Variants in NCALD observed in about 807,000 individuals in gnomAD.
The protein encoded by NCALD is neurocalcin-delta.
Under a neutral mutation model 18.6 loss-of-function variants are expected in NCALD, and 10 were observed. The ratio of observed to expected loss-of-function variants is 0.54; its 90% confidence interval spans 0.33 to 0.91. The LOEUF (loss-of-function observed/expected upper bound fraction) is 0.91. Among genes scored for constraint, NCALD ranks in the 40% least tolerant of loss-of-function variants. The pLI, the probability that NCALD is intolerant of heterozygous loss-of-function variation, is 0.03. For missense variants in NCALD, 184 were observed against 247.6 expected, an observed-to-expected ratio of 0.74 and a Z score of 1.72; for synonymous variants, 88 against 87.4, an observed-to-expected ratio of 1.01 and a Z score of -0.04.
chr8:101,794,252 C>A (rs1449920293), upstream of NCALD, among the ~76,000 whole-genome samples: 4 of 152,170 alleles, frequency 2.6e-5, no homozygotes, highest in African/African-American at 9.7e-5. Flanking sequence ...AAATCTTATT[C>A]ATCTGTACAA....
At chr8:101,914,454 C>T (rs1817909151) in intron 3 of NCALD, among the ~76,000 whole-genome samples, 1 of 152,128 alleles carries the variant, frequency 6.6e-6, no homozygotes, top group Non-Finnish European at 1.5e-5. Flanking sequence ...TGTGAAGTTA[C>T]TTTTTCCCCT....
intron 3 of NCALD, among the ~76,000 whole-genome samples, chr8:101,892,274 G>A (rs1207462036): frequency 2.0e-5 from 3 of 146,346 alleles, no homozygotes; most frequent in East Asian, 2.0e-4. Context: ...ACACGGCAGG[G>A]TATTCCAACA....
At chr8:102,100,969 T>C (rs1473841121) in intron 1 of NCALD, among the ~76,000 whole-genome samples, 2 of 152,198 alleles carry the variant, frequency 1.3e-5, no homozygotes, top group African/African-American at 4.8e-5. Context: ...GTTCTGGAGA[T>C]GGATGGTGGT....
chr8:101,965,080 G>T (rs1219902945), intron 2 of NCALD, among the ~76,000 whole-genome samples: 1 of 152,176 alleles, frequency 6.6e-6, no homozygotes, highest in African/African-American at 2.4e-5. Context: ...TATCACACCA[G>T]TTAGAATAGC....
chr8:101,892,205 CCT>C (rs927769736), intron 3 of NCALD, among the ~76,000 whole-genome samples: 5 of 149,564 alleles, frequency 3.3e-5, no homozygotes, highest in African/African-American at 1.3e-4. Context: ...GTCCCTGACC[CCT>C]GACCCCCGAG....
intron 1 of NCALD, among the ~76,000 whole-genome samples, chr8:102,023,237 G>C (rs1251639983): frequency 1.3e-5 from 2 of 152,168 alleles, no homozygotes. Context: ...AAAGCACAGA[G>C]GGTTTTGCTG....
chr8:102,069,038 G>A (rs62523038), intron 1 of NCALD, among the ~76,000 whole-genome samples: 25,937 of 152,128 alleles, frequency 0.17, 2,579 homozygotes, highest in African/African-American at 0.27. Flanking sequence ...GAGGGGAGTG[G>A]AGGATGGGAG....
At position 102,032,305 on chromosome 8, in the gene NCALD, T is replaced by TAG. The variant is rs531911289; in HGVS notation, c.-209-12017_-209-12016insCT. Among the ~76,000 whole-genome samples, 481 of 152,170 alleles carry TAG rather than the reference T, an allele frequency of 3.2e-3. 4 individuals are homozygous for TAG. The highest frequency in any genetic ancestry group is 6.2e-3 in the South Asian group (30 of 4,816). On this transcript the variant is annotated intron_variant, in intron 1 of 6. Transcript: ENST00000311028. ...TGCTTCCTCTCTCTCAAACCACACTTACGGCTTCAAAAGGAGTTCCCTGTA... is the reference window on the plus strand; with the variant it reads ...TGCTTCCTCTCTCTCAAACCACACTTAGACGGCTTCAAAAGGAGTTCCCTGTA...
chr8:101,823,107 T>C (rs1813788235), intron 4 of NCALD, among the ~76,000 whole-genome samples: 1 of 152,224 alleles, frequency 6.6e-6, no homozygotes. Flanking sequence ...TGCATTTATG[T>C]AGAGTTCAAA....
At chr8:101,700,929 G>T (rs111976466) in intron 2 of NCALD, among the ~76,000 whole-genome samples, 1,584 of 152,316 alleles carry the variant, frequency 0.01, 32 homozygotes, top group African/African-American at 0.034. Flanking sequence ...AGTGTGTTGT[G>T]GGTTTGAGGA....
At chr8:101,754,590 C>A (rs941198585) in intron 1 of NCALD, among the ~76,000 whole-genome samples, 5 of 152,096 alleles carry the variant, frequency 3.3e-5, no homozygotes, top group Non-Finnish European at 7.3e-5. Context: ...ATGACATAAT[C>A]ACTTCTCAAA....
In NCALD at chr8:101,767,576, G is replaced by A. The variant is rs139726580; in HGVS notation, c.-20+23286C>T. 3.8e-3 allele frequency among the ~76,000 whole-genome samples: 582 copies of A among 152,294 alleles called. 6 individuals carry two copies. The highest frequency in any genetic ancestry group is 0.013 in the African/African-American group (560 of 41,562). On this transcript the variant is annotated intron_variant, in intron 1 of 3. Transcript: ENST00000220931. ...GTCAGCCCTAACCATGATGGCTAAG[G>A]AAATTGCCTATGGACTCAACTGATC...
At chr8:101,901,782 A>T (rs550863251) in intron 3 of NCALD, among the ~76,000 whole-genome samples, 47 of 136,256 alleles carry the variant, frequency 3.4e-4, no homozygotes, top group Non-Finnish European at 7.0e-4. Context: ...TATTCTTTGC[A>T]TTACTCTTTT....
At chr8:101,878,890 TATG>T (rs1383880593) in intron 4 of NCALD, among the ~76,000 whole-genome samples, 1 of 152,216 alleles carries the variant, frequency 6.6e-6, no homozygotes, top group African/African-American at 2.4e-5. Context: ...TGCCATGTCC[TATG>T]ATTACGATGA....
At chr8:102,017,932 G>C (rs1423208332) in intron 2 of NCALD, among the ~76,000 whole-genome samples, 3 of 152,172 alleles carry the variant, frequency 2.0e-5, no homozygotes, top group Admixed American at 2.0e-4. Context: ...ATGGGTGAAT[G>C]ATTTGAACAG....
chr8:102,007,733 C>T (rs1185172561), intron 2 of NCALD, among the ~76,000 whole-genome samples: 2 of 152,160 alleles, frequency 1.3e-5, no homozygotes, highest in African/African-American at 4.8e-5. Context: ...ACACTAGAGT[C>T]CTTCTACTTC....
In NCALD at chr8:101,737,117, C is replaced by CT. The variant is rs1809956797; in HGVS notation, c.-19-17470dup. ...TACAGCCACAAGGAAATCCTTGTCT[C>CT]TCAACAGTTCTTTTTTTTTTAGACA... On this transcript the variant is annotated intron_variant, in intron 1 of 3. Coordinates refer to ENST00000220931, the MANE Select transcript of NCALD (RefSeq NM_032041.3). 2.0e-5 allele frequency among the ~76,000 whole-genome samples: 3 copies of CT among 152,182 alleles called. No individual in the cohort carries two copies. The South Asian group carries it at 6.2e-4, about 32-fold the overall frequency.
intron 1 of NCALD, among the ~76,000 whole-genome samples, chr8:101,727,257 G>A (rs1165621245): frequency 6.6e-6 from 1 of 152,098 alleles, no homozygotes; most frequent in Non-Finnish European, 1.5e-5. Context: ...GCAAGCTGTT[G>A]GATCTGCATC....
At chr8:101,775,300 T>A (rs568408741) in intron 1 of NCALD, among the ~76,000 whole-genome samples, 1 of 152,300 alleles carries the variant, frequency 6.6e-6, no homozygotes, top group Non-Finnish European at 1.5e-5. Context: ...AACTTGCCTC[T>A]CATGTTATGT....
Sources: gnomAD v4.1 joint callset for allele counts (sites outside exome capture counted in the v4.1 genomes callset) on GRCh38, gnomAD v4.1.1 for gene constraint, MANE v1.5 for transcripts, NCBI Gene and HGNC (gene_info 2026-07-23, HGNC 2026-07-21) for gene names.